NAPG: variants seen among roughly 807,000 people sequenced by gnomAD.
The protein encoded by NAPG is NSF attachment protein gamma, also known as gamma-soluble NSF attachment protein.
In NAPG, 25 loss-of-function variants were observed where a neutral mutation model predicts 48.4. The ratio of observed to expected loss-of-function variants is 0.52; its 90% confidence interval spans 0.38 to 0.72. The LOEUF is 0.72. Among genes scored for constraint, NAPG ranks in the 30% least tolerant of loss-of-function variants. The pLI, the probability that NAPG is intolerant of heterozygous loss-of-function variation, is 0.00. For missense variants in NAPG, 359 were observed against 372.5 expected, an observed-to-expected ratio of 0.96 and a Z score of 0.30; for synonymous variants, 139 against 127.2, an observed-to-expected ratio of 1.09 and a Z score of -0.62.
rs2032128084 is a variant in NAPG at position 10,540,364 on chromosome 18, A to G, written c.471A>G (p.Leu157=). Residue 157 remains leucine, a synonymous_variant, in exon 8 of 12, where the codon CTA becomes CTG. Transcript: ENST00000322897. ...GCTTACGACAGGCAGTTGAATTACT[A>G]GGAAAAGCCTCCAGACTACTAGTAC... ...EERLRQAVEL[L]GKASRLLVRG... is the part of the protein sequence containing the mutation. 2 of 1,613,824 alleles carry G rather than the reference A, an allele frequency of 1.2e-6. No homozygotes were observed. The highest frequency in any genetic ancestry group is 2.2e-5 in the South Asian group (2 of 91,082).
chr18:10,542,400 T>G lies in NAPG; in HGVS notation c.506+2001T>G, dbSNP rs1041970597. 1.3e-5 allele frequency among the ~76,000 whole-genome samples: 2 copies of G among 152,212 alleles called. No homozygotes were observed. Among genetic ancestry groups the G allele is most frequent in the Non-Finnish European group, 2.9e-5 (2 of 68,034 alleles). ...CTTTTGAAAAGTGTTGCTGGGTATC[T>G]TGGTATGAAAAAATTAAGTCTACTG... On this transcript the variant is annotated intron_variant, in intron 8 of 11. Coordinates refer to ENST00000322897, the MANE Select transcript of NAPG (RefSeq NM_003826.3). This position sits in a 1 kb window ranked among gnomAD's most constrained non-coding sequence, Gnocchi z 4.5.
chr18:10,532,860 T>G, intron 3 of NAPG, 65 bp downstream of exon 3: 1 of 1,349,860 alleles, frequency 7.4e-7, no homozygotes, highest in Non-Finnish European at 1.0e-6. Flanking sequence ...TGTTTTCTCT[T>G]GCTGTAAATT....
At chr18:10,529,809 AG>A (rs2031891727) in intron 1 of NAPG, among the ~76,000 whole-genome samples, 1 of 152,182 alleles carries the variant, frequency 6.6e-6, no homozygotes, top group Non-Finnish European at 1.5e-5. Context: ...CACATAATGA[AG>A]GCTGTACTTC....
Position 10,534,504 on chromosome 18 carries a change from A to G in NAPG, c.258+8A>G, listed in dbSNP as rs1461732919. The G allele has an allele frequency of 1.2e-6, 2 of 1,612,316 alleles. No homozygotes were observed. Among genetic ancestry groups the G allele is most frequent in the South Asian group, 1.1e-5 (1 of 91,020 alleles). ...GCTGGAATGATGTTGAAGGTCAGTAATGTTATGTCACAATTGTTGTGTAGG... is the reference window on the plus strand; with the variant it reads ...GCTGGAATGATGTTGAAGGTCAGTAGTGTTATGTCACAATTGTTGTGTAGG... On this transcript the variant is annotated splice_region_variant and intron_variant, in intron 5 of 11. Transcript: ENST00000322897. This position sits in a 1 kb window ranked among gnomAD's most constrained non-coding sequence, Gnocchi z 5.0.
chr18:10,540,450 A>G lies in NAPG; in HGVS notation c.506+51A>G. ...GTGTTTAACTATACTTTGAATCCAC[A>G]TTTGGAACTGGAAAGTAATTTGGGG... is the stretch of plus-strand genomic sequence containing the variant. On this transcript the variant is annotated intron_variant, in intron 8 of 11. Coordinates refer to ENST00000322897, the MANE Select transcript of NAPG (RefSeq NM_003826.3). The G allele has an allele frequency of 7.3e-6, 11 of 1,504,826 alleles. No individual in the cohort carries two copies. The South Asian group carries it at 1.0e-4, about 14-fold the overall frequency. The allele number at this position is 1,504,826 out of a possible 1,614,324, so 93.2% of individuals were successfully genotyped here.
intron 1 of NAPG, among the ~76,000 whole-genome samples, chr18:10,530,188 CTTTTTTTTTTTTTT>C (rs58597079): frequency 8.9e-5 from 6 of 67,320 alleles, no homozygotes; most frequent in East Asian, 4.9e-4. Flanking sequence ...CGAGTTTTCA[CTTTTTTTTTTTTTT>C]TTTTTTTTTT....
At chr18:10,549,551 T>C (rs1273973590) in intron 11 of NAPG, among the ~76,000 whole-genome samples, 2 of 152,254 alleles carry the variant, frequency 1.3e-5, no homozygotes, top group African/African-American at 4.8e-5. Context: ...TTTGTAAAAA[T>C]GAAGCCACTA....
Position 10,546,795 on chromosome 18 carries a change from A to G in NAPG, c.585+391A>G, listed in dbSNP as rs117433118. Among the ~76,000 whole-genome samples, 8 of 152,296 alleles carry G rather than the reference A, an allele frequency of 5.3e-5. No homozygotes were observed. In the East Asian group the frequency reaches 7.7e-4, roughly 15 times the overall value. On this transcript the variant is annotated intron_variant, in intron 9 of 11. Transcript: ENST00000322897. The surrounding 1 kb of genome is among the most constrained non-coding windows in gnomAD (Gnocchi z 4.0). ...GAGCTGGGCAGCAAAGGCTGCAACA[A>G]TGAAAACTCCAAAAGAAACCCCGCC...
In NAPG at chr18:10,549,015, T is replaced by G; in HGVS notation, c.714T>G (p.Leu238=). Residue 238 remains leucine, a synonymous_variant, in exon 11 of 12, where the codon CTT becomes CTG. Transcript: ENST00000322897. The part of the protein sequence containing the change: ...GSEDCAALEQ[L]LEGYDQQDQD... ...AAGACTGTGCTGCCCTGGAACAGCT[T>G]CTTGAAGGTTATGACCAGCAAGACC... 2 of 1,613,956 alleles carry G rather than the reference T, an allele frequency of 1.2e-6. No individual in the cohort carries two copies. The highest frequency in any genetic ancestry group is 8.5e-7 in the Non-Finnish European group (1 of 1,179,834).
rs911979576 is a variant in NAPG at position 10,542,576 on chromosome 18, A to G, written c.506+2177A>G. 2.0e-5 allele frequency among the ~76,000 whole-genome samples: 3 copies of G among 152,208 alleles called. No homozygotes were observed. The highest frequency in any genetic ancestry group is 4.8e-5 in the African/African-American group (2 of 41,462). ...TATTATTTGATTGCATCTGTTGCCT[A>G]AAAGAACTAAACAGGTGGTAATTTT... is the stretch of plus-strand genomic sequence containing the variant. On this transcript the variant is annotated intron_variant, in intron 8 of 11. Coordinates refer to ENST00000322897, the MANE Select transcript of NAPG (RefSeq NM_003826.3). This position sits in a 1 kb window ranked among gnomAD's most constrained non-coding sequence, Gnocchi z 4.5.
At chr18:10,533,644 A>C (rs979642488) in intron 4 of NAPG, 91 bp downstream of exon 4, 1 of 1,087,276 alleles carries the variant, frequency 9.2e-7, no homozygotes, top group South Asian at 1.5e-5. Context: ...CCAAATTATA[A>C]ATTTTGTATT....
At chr18:10,537,636 T>G (rs546395969) in intron 5 of NAPG, among the ~76,000 whole-genome samples, 1 of 152,354 alleles carries the variant, frequency 6.6e-6, no homozygotes, top group South Asian at 2.1e-4. Context: ...TCAGGACTAA[T>G]GTGTCTGAGA....
In NAPG at chr18:10,549,070, C is replaced by A. The variant is rs200148315; in HGVS notation, c.769C>A (p.Pro257Thr). ...TCAGGTGTCAGATGTCTGCAACTCACCGCTTTTCAAGTACATGGACAATGA... is the reference window on the plus strand; with the variant it reads ...TCAGGTGTCAGATGTCTGCAACTCAACGCTTTTCAAGTACATGGACAATGA... ...QDQVSDVCNS[P>T]LFKYMDNDYA... The change falls in exon 11 of 12, where the codon CCG becomes ACG. Residue 257 changes from proline to threonine, a missense_variant. Transcript: ENST00000322897. 1 of 1,613,764 alleles carries A rather than the reference C, an allele frequency of 6.2e-7. No homozygotes were observed. The highest frequency in any genetic ancestry group is 1.1e-5 in the South Asian group (1 of 91,038).
chr18:10,527,710 GTATGTA>G (rs144077079), intron 1 of NAPG, among the ~76,000 whole-genome samples: 8,515 of 152,230 alleles, frequency 0.056, 713 homozygotes, highest in African/African-American at 0.18. Context: ...GCAACCTGTA[GTATGTA>G]TTATACGCGG....
chr18:10,541,216 TAAAC>T (rs976975860), intron 8 of NAPG, among the ~76,000 whole-genome samples: 69 of 152,372 alleles, frequency 4.5e-4, no homozygotes, highest in African/African-American at 1.5e-3. Context: ...AATTAACTAT[TAAAC>T]AATCTCATTT....
rs1459034439 is a variant in NAPG at position 10,542,629 on chromosome 18, T to C, written c.506+2230T>C. 6.6e-6 allele frequency among the ~76,000 whole-genome samples: 1 copy of C among 152,244 alleles called. No homozygotes were observed. ...GCTTCACACAAGCAACATCTACTAA[T>C]AGACTGTGTGGCATGGAGTCTAAAG... On this transcript the variant is annotated intron_variant, in intron 8 of 11. Transcript: ENST00000322897. This position sits in a 1 kb window ranked among gnomAD's most constrained non-coding sequence, Gnocchi z 4.5.
rs78182371 is a variant in NAPG at position 10,546,881 on chromosome 18, A to G, written c.585+477A>G. On this transcript the variant is annotated intron_variant, in intron 9 of 11. Coordinates refer to ENST00000322897, the MANE Select transcript of NAPG (RefSeq NM_003826.3). The surrounding 1 kb of genome is among the most constrained non-coding windows in gnomAD (Gnocchi z 4.0). The stretch of plus-strand genomic sequence containing the variant: ...TTTCCTCTCCTTTGGCTTTGCTCCA[A>G]GCTTGTCCCAGGCATGGAGCTACAC... Among the ~76,000 whole-genome samples, 8,267 of 152,250 alleles carry G rather than the reference A, an allele frequency of 0.054. 653 individuals are homozygous for G. The highest frequency in any genetic ancestry group is 0.18 in the African/African-American group (7,438 of 41,510).
At chr18:10,545,733 A>G (rs1567893543) in intron 8 of NAPG, among the ~76,000 whole-genome samples, 1 of 152,242 alleles carries the variant, frequency 6.6e-6, no homozygotes, top group African/African-American at 2.4e-5. Context: ...TCATTCTGCC[A>G]TTGGGCAAAA....
intron 1 of NAPG, among the ~76,000 whole-genome samples, chr18:10,527,756 T>G (rs1468582411): frequency 6.6e-6 from 1 of 152,144 alleles, no homozygotes; most frequent in Non-Finnish European, 1.5e-5. Context: ...GAACAGTGAA[T>G]GTAGTGTAGT....
Sources: allele counts gnomAD v4.1 joint callset (sites outside exome capture counted in the v4.1 genomes callset), GRCh38; gene constraint gnomAD v4.1.1; non-coding constraint Gnocchi (gnomAD v3.1); transcripts MANE v1.5; gene names NCBI Gene and HGNC (gene_info 2026-07-23, HGNC 2026-07-21).